MIPOL1: variants seen among roughly 807,000 people sequenced by gnomAD.
MIPOL1 encodes the protein mirror-image polydactyly 1.
Under a neutral mutation model 60.9 loss-of-function variants are expected in MIPOL1, and 57 were observed. The ratio of observed to expected loss-of-function variants is 0.94; its 90% CI spans 0.76 to 1.17. MIPOL1 has a LOEUF of 1.17. Among genes scored for constraint, MIPOL1 ranks in the 50% most tolerant of loss-of-function variants. MIPOL1 has a pLI of 0.00. For missense variants in MIPOL1, 551 were observed against 511.6 expected, an observed-to-expected ratio of 1.08 and a Z score of -0.74; for synonymous variants, 179 against 168.8, an observed-to-expected ratio of 1.06 and a Z score of -0.47.
At chr14:37,412,567 ATATT>A in intron 10 of MIPOL1, among the ~76,000 whole-genome samples, 1 of 152,192 alleles carries the variant, frequency 6.6e-6, no homozygotes, top group South Asian at 2.1e-4. Flanking sequence ...AAAAGAATAT[ATATT>A]ATATTATTGT....
At chr14:37,288,665 G>A (rs1449304729) in intron 7 of MIPOL1, among the ~76,000 whole-genome samples, 1 of 152,022 alleles carries the variant, frequency 6.6e-6, no homozygotes, top group Non-Finnish European at 1.5e-5. Context: ...AAAAGATGTA[G>A]CCTGACATGG....
intron 6 of MIPOL1, among the ~76,000 whole-genome samples, chr14:37,284,686 G>A (rs193118143): frequency 7.1e-4 from 108 of 152,288 alleles, no homozygotes; most frequent in African/African-American, 2.5e-3. Context: ...TTCATAAATA[G>A]TTGGTAGAGT....
intron 11 of MIPOL1, among the ~76,000 whole-genome samples, chr14:37,498,663 A>T (rs1302652407): frequency 6.6e-6 from 1 of 152,142 alleles, no homozygotes; most frequent in African/African-American, 2.4e-5. Flanking sequence ...ACTACACACT[A>T]TTCTAATTTT....
At chr14:37,489,521 A>G (rs1355758185) in intron 11 of MIPOL1, among the ~76,000 whole-genome samples, 1 of 152,172 alleles carries the variant, frequency 6.6e-6, no homozygotes, top group Non-Finnish European at 1.5e-5. Context: ...TTGGAGGAGA[A>G]GAGACATTCT....
At chr14:37,475,769 C>A (rs546045720) in intron 11 of MIPOL1, among the ~76,000 whole-genome samples, 1 of 151,532 alleles carries the variant, frequency 6.6e-6, no homozygotes, top group Non-Finnish European at 1.5e-5. Context: ...GCTCTCTTCT[C>A]TTCCATTGAT....
intron 1 of MIPOL1, among the ~76,000 whole-genome samples, chr14:37,244,395 A>T (rs946739743): frequency 5.9e-5 from 9 of 151,936 alleles, no homozygotes; most frequent in African/African-American, 1.7e-4. Context: ...TGCTGGGATT[A>T]CAGGCGTGAG....
Position 37,367,645 on chromosome 14 carries a change from G to A in MIPOL1, c.829-1872G>A, listed in dbSNP as rs530834816. ...TTCCCAAAACAAGCCCAACTCAGAT[G>A]TCAGCAGCTCCATGAAACGTTCTTT... On this transcript the variant is annotated intron_variant, in intron 9 of 12. Transcript: ENST00000684589. Among the ~76,000 whole-genome samples, 30 of 152,054 alleles carry A rather than the reference G, an allele frequency of 2.0e-4. No homozygotes were observed. The South Asian group carries it at 5.8e-3, about 29-fold the overall frequency.
At chr14:37,289,233 C>T (rs546755338) in intron 7 of MIPOL1, among the ~76,000 whole-genome samples, 178 of 152,250 alleles carry the variant, frequency 1.2e-3, no homozygotes, top group Admixed American at 2.2e-3. Flanking sequence ...ACACAGAAGC[C>T]TTTTTTGGCC....
chr14:37,514,190 C>T (rs1448626370), intron 12 of MIPOL1, among the ~76,000 whole-genome samples: 1 of 152,060 alleles, frequency 6.6e-6, no homozygotes, highest in East Asian at 1.9e-4. Context: ...GTACGCTTTT[C>T]CCTTCTTTTG....
chr14:37,285,539 T>C (rs1254701561), intron 7 of MIPOL1, 92 bp downstream of exon 7: 9 of 1,298,100 alleles, frequency 6.9e-6, no homozygotes, highest in Non-Finnish European at 8.5e-6. Flanking sequence ...ATGTGACTTA[T>C]GCTTATGTGT....
chr14:37,368,538 G>T (rs2092548135), intron 9 of MIPOL1, among the ~76,000 whole-genome samples: 2 of 152,000 alleles, frequency 1.3e-5, no homozygotes, highest in South Asian at 2.1e-4. Context: ...AATCTAGAAA[G>T]AACTTTTTCC....
At chr14:37,398,240 C>CTAGGGGCACGGTGGTGG (rs1468436967) in intron 10 of MIPOL1, among the ~76,000 whole-genome samples, 8 of 152,174 alleles carry the variant, frequency 5.3e-5, no homozygotes, top group Admixed American at 5.2e-4. Flanking sequence ...TAGACCTTCA[C>CTAGGGGCACGGTGGTGG]TAGGGGCACG....
chr14:37,300,205 A>G (rs945314331), intron 7 of MIPOL1, among the ~76,000 whole-genome samples: 12 of 150,228 alleles, frequency 8.0e-5, no homozygotes, highest in Non-Finnish European at 1.3e-4. Context: ...GTAAATCACT[A>G]AGTACAGTCC....
intron 5 of MIPOL1, among the ~76,000 whole-genome samples, chr14:37,269,742 A>C (rs1434024510): frequency 2.0e-5 from 3 of 152,174 alleles, no homozygotes; most frequent in Non-Finnish European, 4.4e-5. Context: ...AAGCAGTGCT[A>C]TCTGTTATTT....
At chr14:37,483,344 G>T (rs1311380466) in intron 11 of MIPOL1, among the ~76,000 whole-genome samples, 1 of 151,830 alleles carries the variant, frequency 6.6e-6, no homozygotes, top group Admixed American at 6.6e-5. Flanking sequence ...CAAACTCCTG[G>T]GCTCAAGCGA....
At chr14:37,413,482 C>T (rs1376939389) in intron 10 of MIPOL1, among the ~76,000 whole-genome samples, 1 of 152,170 alleles carries the variant, frequency 6.6e-6, no homozygotes, top group Non-Finnish European at 1.5e-5. Context: ...TCTTTGCCTC[C>T]CTCTTCCACT....
At chr14:37,303,026 G>A (rs929447337) in intron 7 of MIPOL1, among the ~76,000 whole-genome samples, 1 of 151,712 alleles carries the variant, frequency 6.6e-6, no homozygotes, top group Non-Finnish European at 1.5e-5. Context: ...ATATTTACAT[G>A]CAATTTATGT....
intron 10 of MIPOL1, among the ~76,000 whole-genome samples, chr14:37,411,276 A>G (rs780072280): frequency 2.0e-5 from 3 of 152,152 alleles, no homozygotes; most frequent in Non-Finnish European, 4.4e-5. Context: ...GTTGCAATGC[A>G]GTGATGTTAC....
intron 7 of MIPOL1, among the ~76,000 whole-genome samples, chr14:37,296,261 A>T (rs1276096034): frequency 6.6e-6 from 1 of 152,252 alleles, no homozygotes; most frequent in Non-Finnish European, 1.5e-5. Context: ...ACCAACGAGA[A>T]CAAAGAAACA....
Sources: gnomAD v4.1 joint callset for allele counts (sites outside exome capture counted in the v4.1 genomes callset) on GRCh38, gnomAD v4.1.1 for gene constraint, MANE v1.5 for transcripts, NCBI Gene and HGNC (gene_info 2026-07-23, HGNC 2026-07-21) for gene names.